Variants in BTBD3 observed in about 807,000 individuals in gnomAD.
The protein encoded by BTBD3 is BTB/POZ domain-containing protein 3.
Under a neutral mutation model 41.6 loss-of-function variants are expected in BTBD3, and 14 were observed. The ratio of observed to expected loss-of-function variants is 0.34; its 90% CI spans 0.22 to 0.53. The LOEUF is 0.53. BTBD3 is among the 20% of genes least tolerant of loss of function. BTBD3 has a pLI of 0.95. For missense variants in BTBD3, 426 were observed against 654.7 expected (o/e 0.65, Z 3.81); for synonymous variants, 249 against 233.7 (o/e 1.07, Z -0.60).
chr20:11,898,243 A>G (rs1186043897), intron 1 of BTBD3, among the ~76,000 whole-genome samples: 1 of 151,928 alleles, frequency 6.6e-6, no homozygotes, highest in Non-Finnish European at 1.5e-5. Flanking sequence ...CTTGTCTCCC[A>G]CTCGGCACTT....
intron 1 of BTBD3, among the ~76,000 whole-genome samples, chr20:11,897,463 AT>A (rs2056793980): frequency 8.8e-6 from 1 of 114,088 alleles, no homozygotes; most frequent in Admixed American, 1.2e-4. Context: ...TGTTAGCTCC[AT>A]TTTTTTCATG....
intron 1 of BTBD3, among the ~76,000 whole-genome samples, chr20:11,902,983 T>C (rs1434015246): frequency 6.6e-6 from 1 of 152,156 alleles, no homozygotes; most frequent in East Asian, 1.9e-4. Context: ...AATTTTCCAA[T>C]ATAGTTATTG....
chr20:11,918,065 A>T lies in BTBD3; in HGVS notation c.-211A>T. On this transcript the variant is annotated 5_prime_UTR_variant, in exon 1 of 4. An upstream start codon of the reference 5' UTR is lost. Transcript: ENST00000378226. ...GCAAATAAGAGAAACAGGAATCATGATGGGGATATATTTAACAGACCCAGT... is the reference window on the plus strand; with the variant it reads ...GCAAATAAGAGAAACAGGAATCATGTTGGGGATATATTTAACAGACCCAGT... 7.6e-7 allele frequency: 1 copy of T among 1,310,502 alleles called. No homozygotes were observed. Among genetic ancestry groups the T allele is most frequent in the African/African-American group, 1.5e-5 (1 of 66,804 alleles). The allele number at this position is 1,310,502 out of a possible 1,614,324, so 81.2% of individuals were successfully genotyped here. A position where few individuals can be genotyped will look rare whatever the true frequency, so the allele number is the denominator to read the frequency against.
At chr20:11,897,484 C>CAAA (rs71186168) in intron 1 of BTBD3, among the ~76,000 whole-genome samples, 82 of 65,384 alleles carry the variant, frequency 1.3e-3, no homozygotes, top group East Asian at 1.7e-3. Flanking sequence ...GTTATTTAAG[C>CAAA]AAAAAAAAAA....
At chr20:11,906,289 G>T (rs2056854435) in intron 1 of BTBD3, among the ~76,000 whole-genome samples, 1 of 24,004 alleles carries the variant, frequency 4.2e-5, no homozygotes, top group African/African-American at 1.3e-4. Flanking sequence ...TTTTGAGACG[G>T]AGTCTCGTTC....
intron 1 of BTBD3, among the ~76,000 whole-genome samples, chr20:11,902,313 C>T (rs566192348): frequency 9.2e-5 from 14 of 152,276 alleles, no homozygotes; most frequent in Middle Eastern, 3.4e-3. Context: ...CATCTGTTTA[C>T]AAGATGAATC....
intron 1 of BTBD3, among the ~76,000 whole-genome samples, chr20:11,906,130 T>G (rs901399816): frequency 6.6e-6 from 1 of 152,120 alleles, no homozygotes; most frequent in African/African-American, 2.4e-5. Context: ...CTCTTAATGG[T>G]TTTTAAAATC....
intron 3 of BTBD3, among the ~76,000 whole-genome samples, chr20:11,920,963 G>T (rs1286976123): frequency 6.6e-6 from 1 of 152,178 alleles, no homozygotes; most frequent in Non-Finnish European, 1.5e-5. Flanking sequence ...CACAGTAGGG[G>T]ATAGGGAAAT....
intron 1 of BTBD3, among the ~76,000 whole-genome samples, chr20:11,898,504 G>A (rs1276633942): frequency 6.6e-6 from 1 of 152,142 alleles, no homozygotes; most frequent in African/African-American, 2.4e-5. Flanking sequence ...TACCTTCTAA[G>A]TTACTATTTA....
intron 1 of BTBD3, among the ~76,000 whole-genome samples, chr20:11,901,020 C>G (rs902459602): frequency 1.3e-5 from 2 of 152,078 alleles, no homozygotes; most frequent in Admixed American, 1.3e-4. Flanking sequence ...CAAAGTCCAT[C>G]TACAAATTTA....
chr20:11,912,584 G>A (rs1269980509), intron 1 of BTBD3, among the ~76,000 whole-genome samples: 1 of 152,194 alleles, frequency 6.6e-6, no homozygotes, highest in African/African-American at 2.4e-5. Context: ...ACAAGGATGA[G>A]GAGCTAGATT....
chr20:11,893,917 G>A (rs1230340962), intron 1 of BTBD3, among the ~76,000 whole-genome samples: 4 of 152,126 alleles, frequency 2.6e-5, no homozygotes, highest in African/African-American at 9.7e-5. Context: ...TATTAGAGAC[G>A]TTTCCTTTTT....
rs148410202 is a variant in BTBD3 at position 11,918,512 on chromosome 20, C to T, written c.237C>T (p.Ser79=). 4.3e-6 allele frequency: 7 copies of T among 1,614,064 alleles called. No individual in the cohort carries two copies. Among genetic ancestry groups the T allele is most frequent in the Non-Finnish European group, 5.1e-6 (6 of 1,180,020 alleles). Reference sequence around the variant, plus strand: ...AGCCAGCCAACTCCAGCAGCACCAGCGTCCAGCAGTACCACCAGCAGAATC... The same window carrying T: ...AGCCAGCCAACTCCAGCAGCACCAGTGTCCAGCAGTACCACCAGCAGAATC... ...RKKPANSSST[S]VQQYHQQNLS... The change falls in exon 1 of 4, where the codon AGC becomes AGT. Residue 79 remains serine, a synonymous_variant. Coordinates refer to ENST00000378226, the MANE Select transcript of BTBD3 (RefSeq NM_014962.4).
chr20:11,916,221 G>A (rs966583871), upstream of BTBD3, among the ~76,000 whole-genome samples: 1 of 152,140 alleles, frequency 6.6e-6, no homozygotes, highest in African/African-American at 2.4e-5. Context: ...TTCCTGCAAG[G>A]AAGTGGTCAA....
At chr20:11,921,785 A>G (rs1219118815) in intron 3 of BTBD3, 3 of 152,244 alleles carry the variant, frequency 2.0e-5, no homozygotes, top group Admixed American at 6.5e-5. Flanking sequence ...TACAATAACT[A>G]AAGGAAAACT....
Position 11,918,290 on chromosome 20 carries a change from G to C in BTBD3, c.15G>C (p.Lys5Asn), listed in dbSNP as rs777463752. The part of the protein sequence containing the change: MVDD[K>N]EKNMKCLTFF... ...ACACTGTACTCATGGTAGATGACAA[G>C]GAAAAGAACATGAAATGTCTCACCT... The change falls in exon 1 of 4, where the codon AAG (lysine) becomes AAC (asparagine). Residue 5 changes from lysine to asparagine, a missense_variant. Coordinates refer to ENST00000378226, the MANE Select transcript of BTBD3 (RefSeq NM_014962.4). 1.3e-6 allele frequency: 2 copies of C among 1,589,432 alleles called. No homozygotes were observed. Among genetic ancestry groups the C allele is most frequent in the African/African-American group, 1.4e-5 (1 of 73,718 alleles).
rs183372819 is a variant in BTBD3, at chr20:11,918,496, A to C, written c.221A>C (p.Asn74Thr). The C allele has an allele frequency of 6.2e-7, 1 of 1,614,150 alleles. No individual in the cohort carries two copies. The highest frequency in any genetic ancestry group is 2.2e-5 in the East Asian group (1 of 44,880). Residue 74 changes from asparagine to threonine, a missense_variant, in exon 1 of 4, where the codon AAC becomes ACC. By Grantham distance (65) the Asn-to-Thr change is moderately conservative. Coordinates refer to ENST00000378226, the MANE Select transcript of BTBD3 (RefSeq NM_014962.4). ...ADIFPRKKPA[N>T]SSSTSVQQYH... The stretch of plus-strand genomic sequence containing the variant: ...ATATTCCCCCGTAAAAAGCCAGCCA[A>C]CTCCAGCAGCACCAGCGTCCAGCAG...
At chr20:11,913,374 T>C (rs2056900677), upstream of BTBD3, 1 of 150,806 alleles carries the variant, frequency 6.6e-6, no homozygotes, top group Admixed American at 6.7e-5. Flanking sequence ...TTCCATCTCA[T>C]TCCACAAGTA....
rs1244463051 is a variant in BTBD3, at chr20:11,925,020, A to C, written c.*1354A>C. On this transcript the variant is annotated 3_prime_UTR_variant, in exon 4 of 4. Coordinates refer to ENST00000378226, the MANE Select transcript of BTBD3 (RefSeq NM_014962.4). ...CTGGTTTAGTGCCTGTGTCCCTGGC[A>C]GTGTCCAGTGTGTTCACTTCCAGTT... 1.3e-5 allele frequency: 2 copies of C among 152,664 alleles called. No homozygotes were observed. Among genetic ancestry groups the C allele is most frequent in the Non-Finnish European group, 2.9e-5 (2 of 68,064 alleles). The allele number at this position is 152,664 out of a possible 1,614,324, so 9.5% of individuals were successfully genotyped here.
Sources: allele counts gnomAD v4.1 joint callset (sites outside exome capture counted in the v4.1 genomes callset), GRCh38; gene constraint gnomAD v4.1.1; transcripts MANE v1.5; gene names NCBI Gene and HGNC (gene_info 2026-07-23, HGNC 2026-07-21).